ROBO2: variants seen among roughly 807,000 people sequenced by gnomAD.
ROBO2 encodes the protein roundabout guidance receptor 2.
A neutral mutation model predicts 160.8 loss-of-function variants in ROBO2; 53 were observed. That is an observed-to-expected ratio of 0.33 (90% confidence interval 0.26 to 0.41). ROBO2 has a LOEUF of 0.41. Ranked by LOEUF, ROBO2 falls within the 10% of genes least tolerant of loss-of-function variation. The pLI is 1.00. For missense variants in ROBO2, 1,577 were observed against 1,722.4 expected, an observed-to-expected ratio of 0.92 and a Z score of 1.49; for synonymous variants, 664 against 611.7, an observed-to-expected ratio of 1.09 and a Z score of -1.26.
intron 2 of ROBO2, among the ~76,000 whole-genome samples, chr3:76,485,873 A>T (rs2079468889): frequency 6.6e-6 from 1 of 152,206 alleles, no homozygotes; most frequent in East Asian, 1.9e-4. Context: ...AACAAACAAA[A>T]TTTCACATTT....
At chr3:76,851,769 T>TATATATATATATATATATATATATATA (rs2069415330) in intron 2 of ROBO2, among the ~76,000 whole-genome samples, 2 of 136,042 alleles carry the variant, frequency 1.5e-5, no homozygotes, top group African/African-American at 5.7e-5. Context: ...AAAAAAATAT[T>TATATATATATATATATATATATATATA]AACATGTGCT....
chr3:77,483,092 T>G (rs868655094), intron 4 of ROBO2, among the ~76,000 whole-genome samples: 15 of 152,244 alleles, frequency 9.9e-5, no homozygotes, highest in Middle Eastern at 3.4e-3. Context: ...CCAAATAGAT[T>G]GAATTTGTCT....
chr3:77,061,776 G>T (rs1000322299), intron 1 of ROBO2, among the ~76,000 whole-genome samples: 1 of 152,136 alleles, frequency 6.6e-6, no homozygotes, highest in Non-Finnish European at 1.5e-5. Flanking sequence ...TCTTTAACAG[G>T]ATTACTGAGT....
At chr3:76,470,601 G>A (rs957841437) in intron 2 of ROBO2, among the ~76,000 whole-genome samples, 2 of 152,116 alleles carry the variant, frequency 1.3e-5, no homozygotes, top group Non-Finnish European at 2.9e-5. Context: ...TACCTCAAGA[G>A]ACTGAGATAG....
chr3:75,936,875 A>G (rs1947805330), intron 1 of ROBO2, among the ~76,000 whole-genome samples: 1 of 152,020 alleles, frequency 6.6e-6, no homozygotes, highest in Non-Finnish European at 1.5e-5. Context: ...TGTGGGTTAT[A>G]TATCTGAAAT....
At chr3:76,543,581 T>G (rs2082930500) in intron 2 of ROBO2, among the ~76,000 whole-genome samples, 1 of 152,104 alleles carries the variant, frequency 6.6e-6, no homozygotes, top group African/African-American at 2.4e-5. Flanking sequence ...GGATTGCCAT[T>G]TGCTAGCTCT....
At chr3:77,316,803 G>T in intron 2 of ROBO2, 3 of 1,294,190 alleles carry the variant, frequency 2.3e-6, no homozygotes, top group Non-Finnish European at 3.4e-6. Flanking sequence ...CAGCCTTGAC[G>T]TTCTTGCCAT....
intron 2 of ROBO2, among the ~76,000 whole-genome samples, chr3:76,115,867 A>G (rs1367564058): frequency 1.3e-5 from 2 of 152,158 alleles, no homozygotes; most frequent in African/African-American, 4.8e-5. Context: ...AAGGACACTG[A>G]CAATGGATTT....
At chr3:76,093,134 G>A (rs1559547430) in intron 2 of ROBO2, among the ~76,000 whole-genome samples, 1 of 151,930 alleles carries the variant, frequency 6.6e-6, no homozygotes, top group East Asian at 1.9e-4. Flanking sequence ...TTGTCTTCTG[G>A]TGTAATCATC....
At chr3:76,882,016 T>TTGTGTG (rs1027285749) in intron 2 of ROBO2, among the ~76,000 whole-genome samples, 4 of 149,524 alleles carry the variant, frequency 2.7e-5, no homozygotes, top group African/African-American at 9.8e-5. Context: ...GGTAGTTTGG[T>TTGTGTG]TGTGTGTGTG....
chr3:77,458,711 A>G (rs1428205203), intron 2 of ROBO2, among the ~76,000 whole-genome samples: 1 of 152,170 alleles, frequency 6.6e-6, no homozygotes, highest in African/African-American at 2.4e-5. Context: ...CTTAATGTTC[A>G]AAATCACCAT....
intron 2 of ROBO2, among the ~76,000 whole-genome samples, chr3:77,377,144 C>T (rs7619258): frequency 0.11 from 16,919 of 152,074 alleles, 1,886 homozygotes; most frequent in African/African-American, 0.26. Context: ...TCAGTCTATA[C>T]TGTTTTTATA....
chr3:77,028,739 G>T (rs2063130978), intron 2 of ROBO2, among the ~76,000 whole-genome samples: 1 of 152,020 alleles, frequency 6.6e-6, no homozygotes, highest in South Asian at 2.1e-4. Flanking sequence ...AAAAAAATCT[G>T]CCATCTCATT....
chr3:76,569,775 C>T (rs1053372370), intron 2 of ROBO2, among the ~76,000 whole-genome samples: 3 of 152,128 alleles, frequency 2.0e-5, no homozygotes, highest in Non-Finnish European at 4.4e-5. Context: ...TCTGCGAACA[C>T]TTTCACTTGG....
intron 2 of ROBO2, among the ~76,000 whole-genome samples, chr3:77,222,643 T>C (rs2085973039): frequency 6.6e-6 from 1 of 152,240 alleles, no homozygotes; most frequent in African/African-American, 2.4e-5. Context: ...GTTCAAAAAC[T>C]ATATCTTCAT....
chr3:76,838,092 A>G (rs2067878218), intron 2 of ROBO2, among the ~76,000 whole-genome samples: 1 of 152,082 alleles, frequency 6.6e-6, no homozygotes, highest in South Asian at 2.1e-4. Flanking sequence ...GGGAACATGG[A>G]TGGAGCTGGT....
intron 2 of ROBO2, among the ~76,000 whole-genome samples, chr3:76,298,157 G>A (rs1413980124): frequency 6.6e-6 from 1 of 152,156 alleles, no homozygotes; most frequent in African/African-American, 2.4e-5. Context: ...CATTTCCTAA[G>A]TGATTTAATT....
intron 2 of ROBO2, among the ~76,000 whole-genome samples, chr3:76,156,108 T>C (rs557922596): frequency 3.3e-4 from 50 of 152,216 alleles, no homozygotes; most frequent in African/African-American, 1.2e-3. Flanking sequence ...CCTTGTGATT[T>C]CCCCCTAGTA....
At chr3:76,677,227 A>G (rs2092433783) in intron 2 of ROBO2, among the ~76,000 whole-genome samples, 1 of 152,082 alleles carries the variant, frequency 6.6e-6, no homozygotes, top group African/African-American at 2.4e-5. Context: ...GAAGAAGAAA[A>G]AAGGAGGTAG....
Sources: gnomAD v4.1 joint callset for allele counts (sites outside exome capture counted in the v4.1 genomes callset) on GRCh38, gnomAD v4.1.1 for gene constraint, MANE v1.5 for transcripts, NCBI Gene and HGNC (gene_info 2026-07-23, HGNC 2026-07-21) for gene names.